Variants in CTNNA2 observed in about 807,000 individuals in gnomAD.
CTNNA2 encodes the protein catenin alpha-2.
Under a neutral mutation model 101.0 loss-of-function variants are expected in CTNNA2, and 42 were observed. The ratio of observed to expected loss-of-function variants is 0.42; its 90% CI spans 0.32 to 0.54. CTNNA2 has a LOEUF of 0.54. Among genes scored for constraint, CTNNA2 ranks in the 20% least tolerant of loss-of-function variants. The pLI is 0.14. For synonymous variants in CTNNA2, 450 were observed against 456.4 expected, an observed-to-expected ratio of 0.99 and a Z score of 0.18; for missense variants, 871 against 1,223.1, an observed-to-expected ratio of 0.71 and a Z score of 4.29.
At chr2:79,216,344 C>T (rs1028441272) in intron 2 of CTNNA2, among the ~76,000 whole-genome samples, 23 of 109,672 alleles carry the variant, frequency 2.1e-4, no homozygotes, top group Non-Finnish European at 2.0e-4. Flanking sequence ...GAGAGAGACA[C>T]GGAGGGAAGG....
At chr2:80,550,559 AT>A (rs1692477300) in intron 11 of CTNNA2, among the ~76,000 whole-genome samples, 1 of 152,200 alleles carries the variant, frequency 6.6e-6, no homozygotes, top group East Asian at 1.9e-4. Context: ...TATGCACTAC[AT>A]TTATATAATA....
chr2:79,771,965 G>C (rs886907292), intron 3 of CTNNA2, among the ~76,000 whole-genome samples: 2 of 151,954 alleles, frequency 1.3e-5, no homozygotes, highest in African/African-American at 4.8e-5. Flanking sequence ...TATGTTTTGT[G>C]CTAAAATGAG....
chr2:80,462,241 G>T (rs991906234), intron 9 of CTNNA2, among the ~76,000 whole-genome samples: 8 of 152,194 alleles, frequency 5.3e-5, no homozygotes, highest in Admixed American at 3.9e-4. Context: ...GGCTACTGAA[G>T]TTGCTTTTCT....
rs759685986 is a variant in CTNNA2, at chr2:79,302,250, CT to C, written c.-405-10457del. On this transcript the variant is annotated intron_variant, in intron 2 of 21. Coordinates refer to the CTNNA2 transcript ENST00000466387. ...TACCTCTCACATTTCCCATTCCTCTCTTCTCTCCATCTCTGGCTCAGGTTCC... is the reference window on the plus strand; with the variant it reads ...TACCTCTCACATTTCCCATTCCTCTCTCTCTCCATCTCTGGCTCAGGTTCC... Among the ~76,000 whole-genome samples the C allele has an allele frequency of 1.9e-3, 295 of 152,266 alleles. 1 individual carries two copies. Among genetic ancestry groups the C allele is most frequent in the Non-Finnish European group, 3.3e-3 (223 of 68,022 alleles).
intron 9 of CTNNA2, among the ~76,000 whole-genome samples, chr2:80,449,631 T>C (rs1284763117): frequency 6.6e-6 from 1 of 152,230 alleles, no homozygotes; most frequent in African/African-American, 2.4e-5. Flanking sequence ...AATTCAAAAC[T>C]TGTAGTTTCT....
Position 80,591,041 on chromosome 2 carries a change from TA to T in CTNNA2, c.2189+1559del, listed in dbSNP as rs533717885. 1.6e-3 allele frequency among the ~76,000 whole-genome samples: 249 copies of T among 152,292 alleles called. 1 individual carries two copies. Among genetic ancestry groups the T allele is most frequent in the Non-Finnish European group, 9.3e-4 (63 of 68,022 alleles). On this transcript the variant is annotated intron_variant, in intron 15 of 18. Transcript: ENST00000402739. ...GCATCACTTGAACAAATAATCTCAG[TA>T]AAGTGAATAATGACTCTGGTCATGT...
At chr2:79,241,483 G>A (rs1232317809) in intron 2 of CTNNA2, among the ~76,000 whole-genome samples, 2 of 152,200 alleles carry the variant, frequency 1.3e-5, no homozygotes, top group Admixed American at 6.5e-5. Flanking sequence ...AAAAACAATT[G>A]ATGAGACAAA....
chr2:79,616,787 A>G (rs1678648448), intron 1 of CTNNA2, among the ~76,000 whole-genome samples: 1 of 152,190 alleles, frequency 6.6e-6, no homozygotes. Flanking sequence ...TAACTTACTA[A>G]TAGAATTTTA....
intron 4 of CTNNA2, among the ~76,000 whole-genome samples, chr2:79,456,244 G>A (rs944665364): frequency 6.6e-6 from 1 of 151,408 alleles, no homozygotes; most frequent in East Asian, 1.9e-4. Context: ...GTTAGACCTA[G>A]AAATATCTTA....
At chr2:79,577,635 G>A (rs1675882183) in intron 1 of CTNNA2, among the ~76,000 whole-genome samples, 1 of 151,974 alleles carries the variant, frequency 6.6e-6, no homozygotes. Context: ...ATCTTAAAAT[G>A]TTAATTACTT....
chr2:80,046,367 A>G (rs2104306511), intron 7 of CTNNA2, among the ~76,000 whole-genome samples: 1 of 152,286 alleles, frequency 6.6e-6, no homozygotes, highest in Middle Eastern at 3.4e-3. Context: ...ATCCACAGGA[A>G]AAATAAGTGA....
chr2:80,162,417 C>A, intron 7 of CTNNA2: 1 of 1,522,832 alleles, frequency 6.6e-7, no homozygotes, highest in Non-Finnish European at 8.8e-7. Flanking sequence ...CCTAAAATGA[C>A]CCTATAAAAA....
At chr2:80,356,949 G>A (rs1031757441) in intron 7 of CTNNA2, among the ~76,000 whole-genome samples, 1 of 152,206 alleles carries the variant, frequency 6.6e-6, no homozygotes, top group African/African-American at 2.4e-5. Flanking sequence ...CTAGCGAGGA[G>A]TCATATTAAT....
intron 7 of CTNNA2, among the ~76,000 whole-genome samples, chr2:80,392,340 T>C (rs925791073): frequency 1.3e-5 from 2 of 152,228 alleles, no homozygotes; most frequent in African/African-American, 4.8e-5. Context: ...TTAGATAATT[T>C]AATCAATTTG....
intron 3 of CTNNA2, among the ~76,000 whole-genome samples, chr2:79,802,326 T>A (rs1676229208): frequency 1.3e-5 from 2 of 152,252 alleles, no homozygotes; most frequent in South Asian, 4.1e-4. Flanking sequence ...ACAGAGCATT[T>A]CTTTCCATTT....
intron 9 of CTNNA2, among the ~76,000 whole-genome samples, chr2:80,534,696 G>T (rs901071783): frequency 1.1e-4 from 17 of 152,162 alleles, no homozygotes; most frequent in African/African-American, 4.1e-4. Flanking sequence ...AGAAGAAACA[G>T]TGTTGAGGAA....
At chr2:79,282,760 C>T (rs77182808) in intron 2 of CTNNA2, among the ~76,000 whole-genome samples, 44,808 of 106,068 alleles carry the variant, frequency 0.42, 11,243 homozygotes, top group East Asian at 0.7. Context: ...TATAGTCCTT[C>T]GGGTATATAC....
intron 7 of CTNNA2, among the ~76,000 whole-genome samples, chr2:80,277,553 GAAAA>G (rs10650278): frequency 7.2e-5 from 6 of 83,826 alleles, no homozygotes; most frequent in African/African-American, 2.8e-4. Flanking sequence ...AAGGATTTCT[GAAAA>G]AAAAAAAAAA....
intron 4 of CTNNA2, among the ~76,000 whole-genome samples, chr2:79,473,026 T>A (rs933864388): frequency 3.3e-5 from 5 of 152,204 alleles, no homozygotes; most frequent in Non-Finnish European, 5.9e-5. Context: ...AATAATAATG[T>A]CACTTGATTC....
Sources: allele counts gnomAD v4.1 joint callset (sites outside exome capture counted in the v4.1 genomes callset), GRCh38; gene constraint gnomAD v4.1.1; transcripts MANE v1.5; gene names NCBI Gene and HGNC (gene_info 2026-07-23, HGNC 2026-07-21).